The following PPP4R1 variants were observed in gnomAD, a reference collection of about 807,000 sequenced individuals.
PPP4R1 encodes the protein protein phosphatase 4 regulatory subunit 1.
PPP4R1 carries 42 observed loss-of-function variants against 111.2 expected under a neutral mutation model. The observed-to-expected ratio is 0.38, with a 90% CI of 0.29 to 0.49. The LOEUF is 0.49. Ranked by LOEUF, PPP4R1 falls within the 20% of genes least tolerant of loss-of-function variation. The pLI is 0.97. For missense variants in PPP4R1, 1,012 were observed against 1,161.6 expected (o/e 0.87, Z 1.87); for synonymous variants, 409 against 405.5 (o/e 1.01, Z -0.10).
intron 9 of PPP4R1, among the ~76,000 whole-genome samples, chr18:9,582,297 C>A (rs2067042197): frequency 6.7e-6 from 1 of 148,420 alleles, no homozygotes; most frequent in Non-Finnish European, 1.5e-5. Flanking sequence ...GCAGACTGGC[C>A]AAGAAACAGA....
chr18:9,591,022 A>AT (rs1249712822), intron 4 of PPP4R1, among the ~76,000 whole-genome samples: 1 of 152,056 alleles, frequency 6.6e-6, no homozygotes, highest in African/African-American at 2.4e-5. Context: ...ATGACTACCA[A>AT]TTTTTTAAAG....
intron 3 of PPP4R1, chr18:9,594,685 G>A (rs751834884): frequency 9.5e-5 from 20 of 210,776 alleles, no homozygotes; most frequent in Admixed American, 1.6e-4. Flanking sequence ...AGCATCACCC[G>A]TCATACAGCA....
In PPP4R1 at chr18:9,570,586, T is replaced by C; in HGVS notation, c.1144A>G (p.Thr382Ala). 1 of 1,614,234 alleles carries C rather than the reference T, an allele frequency of 6.2e-7. No homozygotes were observed. The highest frequency in any genetic ancestry group is 8.5e-7 in the Non-Finnish European group (1 of 1,180,036). The change falls in exon 11 of 20, where the codon ACG (threonine) becomes GCG (alanine). Residue 382 changes from threonine (T) to alanine (A), a missense_variant. This residue lies in a region of PPP4R1 where 707 missense variants were observed against 742.1 expected (regional missense o/e 0.95). Coordinates refer to ENST00000400556, the MANE Select transcript of PPP4R1 (RefSeq NM_001042388.3). ...GCCTCAGCAGCATGGTCTTCCATCG[T>C]GTTTTCCAGTATGACACTGGAATTA... ...VSNSSVILEN[T>A]MEDHAAEASG...
rs889203288 is a variant in PPP4R1 at position 9,554,340 on chromosome 18, G to A, written c.2191-918C>T. ...GACGGGGATTCACCGTGTTAGCCAG[G>A]ATGGTCTCGATCTCCTGACCTCAGG... On this transcript the variant is annotated intron_variant, in intron 15 of 19. Coordinates refer to ENST00000400556, the MANE Select transcript of PPP4R1 (RefSeq NM_001042388.3). Among the ~76,000 whole-genome samples, 6 of 152,080 alleles carry A rather than the reference G, an allele frequency of 3.9e-5. No homozygotes were observed. In the South Asian group the frequency reaches 1.2e-3, roughly 32 times the overall value.
intron 2 of PPP4R1, among the ~76,000 whole-genome samples, chr18:9,608,312 TA>T (rs1401260143): frequency 2.0e-5 from 3 of 152,204 alleles, no homozygotes; most frequent in African/African-American, 7.2e-5. Context: ...GCCAGAATAT[TA>T]ACTCAGGTCT....
chr18:9,593,275 C>T (rs1008198409), intron 4 of PPP4R1, among the ~76,000 whole-genome samples: 8 of 152,082 alleles, frequency 5.3e-5, no homozygotes, highest in African/African-American at 1.9e-4. Flanking sequence ...TTTAACATCA[C>T]CATTTTCTAA....
rs1413182402 is a variant in PPP4R1 at position 9,614,533 on chromosome 18, T to G, written c.-49A>C. Reference sequence around the variant, plus strand: ...GGCCGCCCGGGGAGCCGGGGCTACATGGAGCGGCGCGAGCCGGGGAGCCGG... The same window carrying G: ...GGCCGCCCGGGGAGCCGGGGCTACAGGGAGCGGCGCGAGCCGGGGAGCCGG... On this transcript the variant is annotated 5_prime_UTR_variant, in exon 1 of 20. The change abolishes an upstream ATG in the 5' untranslated region. Transcript: ENST00000400556. The surrounding 1 kb of genome is among the most constrained non-coding windows in gnomAD (Gnocchi z 4.1). 7.0e-6 allele frequency: 7 copies of G among 1,003,408 alleles called. No individual in the cohort carries two copies. The highest frequency in any genetic ancestry group is 1.8e-5 in the African/African-American group (1 of 56,458). 62.2% of individuals were successfully genotyped at this position (1,003,408 alleles called of 1,614,324 possible). A position where few individuals can be genotyped will look rare whatever the true frequency, so the allele number is the denominator to read the frequency against.
intron 4 of PPP4R1, among the ~76,000 whole-genome samples, chr18:9,590,911 C>A (rs955952643): frequency 6.6e-6 from 1 of 152,110 alleles, no homozygotes; most frequent in Non-Finnish European, 1.5e-5. Flanking sequence ...AGAAGCATCA[C>A]GGAGTGCAAA....
chr18:9,616,378 C>T (rs1175218309), upstream of PPP4R1, among the ~76,000 whole-genome samples: 3 of 152,090 alleles, frequency 2.0e-5, no homozygotes, highest in Non-Finnish European at 4.4e-5. Flanking sequence ...TCAAGAGATC[C>T]TCCCATCTCA....
intron 12 of PPP4R1, 92 bp downstream of exon 12, chr18:9,563,286 A>T: frequency 7.5e-7 from 1 of 1,341,064 alleles, no homozygotes; most frequent in Non-Finnish European, 9.8e-7. Context: ...CAGAACATAC[A>T]AACTAAAAGT....
intron 2 of PPP4R1, among the ~76,000 whole-genome samples, chr18:9,602,367 T>TAAAA (rs11324056): frequency 2.2e-5 from 1 of 45,142 alleles, no homozygotes; most frequent in Non-Finnish European, 3.8e-5. Flanking sequence ...CCATCTCTAC[T>TAAAA]AAAAAAAAAA....
intron 6 of PPP4R1, among the ~76,000 whole-genome samples, chr18:9,586,051 T>C (rs2067110916): frequency 6.6e-6 from 1 of 152,086 alleles, no homozygotes. Flanking sequence ...ATCTCCATGC[T>C]CTAGTTAACA....
At chr18:9,610,867 TACAC>T (rs60173784) in intron 2 of PPP4R1, among the ~76,000 whole-genome samples, 1,541 of 149,754 alleles carry the variant, frequency 0.01, 19 homozygotes, top group Middle Eastern at 0.041. Flanking sequence ...AAATTATGTG[TACAC>T]ACACACACAC....
chr18:9,562,178 A>C, intron 12 of PPP4R1, 103 bp from the exon 13 acceptor site: 2 of 801,704 alleles, frequency 2.5e-6, no homozygotes, highest in Non-Finnish European at 4.0e-6. Flanking sequence ...AAAAGTAATA[A>C]ACATATAAAT....
chr18:9,616,251 T>C (rs969420717), upstream of PPP4R1, among the ~76,000 whole-genome samples: 1 of 86,248 alleles, frequency 1.2e-5, no homozygotes, highest in Non-Finnish European at 2.7e-5. Flanking sequence ...CCAAATCAGC[T>C]CTTTTTTTTT....
At chr18:9,578,194 A>G (rs1232920610) in intron 9 of PPP4R1, among the ~76,000 whole-genome samples, 1 of 152,244 alleles carries the variant, frequency 6.6e-6, no homozygotes, top group Non-Finnish European at 1.5e-5. Context: ...CTGGTATGTT[A>G]CTAAAACCTT....
intron 16 of PPP4R1, chr18:9,552,014 T>C (rs940558971): frequency 2.6e-5 from 4 of 152,364 alleles, no homozygotes; most frequent in Non-Finnish European, 5.9e-5. Context: ...CGGCACTATA[T>C]GGCAGAAGAG....
Position 9,557,335 on chromosome 18 carries a change from A to G in PPP4R1, c.2076T>C (p.Val692=). ...TLAFSIHELA[V]ILGDQLTAAD... ...CAGCTGTCAATTGATCTCCAAGAAT[A>G]ACTGCAAGCTCGTGGATGGAGAATG... The change falls in exon 15 of 20, where the codon GTT becomes GTC. Residue 692 remains valine (V), a synonymous_variant. Coordinates refer to ENST00000400556, the MANE Select transcript of PPP4R1 (RefSeq NM_001042388.3). 1 of 1,610,200 alleles carries G rather than the reference A, an allele frequency of 6.2e-7. No homozygotes were observed. Among genetic ancestry groups the G allele is most frequent in the African/African-American group, 1.3e-5 (1 of 74,840 alleles).
At chr18:9,607,263 A>C (rs900121081) in intron 2 of PPP4R1, among the ~76,000 whole-genome samples, 2 of 151,538 alleles carry the variant, frequency 1.3e-5, no homozygotes, top group Non-Finnish European at 2.9e-5. Flanking sequence ...TGGTAAGCTG[A>C]GGTGGGAGGA....
Sources: gnomAD v4.1 joint callset for allele counts (sites outside exome capture counted in the v4.1 genomes callset) on GRCh38, gnomAD v4.1.1 for gene constraint, gnomAD v4.1.1 regional missense constraint, Gnocchi (gnomAD v3.1) non-coding constraint, MANE v1.5 for transcripts, NCBI Gene and HGNC (gene_info 2026-07-23, HGNC 2026-07-21) for gene names.